ROBO1: variants seen among roughly 807,000 people sequenced by gnomAD.
The protein encoded by ROBO1 is roundabout homolog 1.
ROBO1 carries 149 observed loss-of-function variants against 195.9 expected under a neutral mutation model. The observed-to-expected ratio is 0.76, with a 90% confidence interval of 0.67 to 0.87. The LOEUF is 0.87. Ranked by LOEUF, ROBO1 falls within the 40% of genes least tolerant of loss-of-function variation. ROBO1 has a pLI of 0.00. For synonymous variants in ROBO1, 816 were observed against 733.2 expected (o/e 1.11, Z -1.82); for missense variants, 1,933 against 2,068.3 (o/e 0.93, Z 1.27).
At chr3:78,717,921 G>A in intron 5 of ROBO1, 38 bp from the exon 6 acceptor site, 1 of 1,604,526 alleles carries the variant, frequency 6.2e-7, no homozygotes, top group East Asian at 2.2e-5. Context: ...TATTAAAATT[G>A]CTTCAGCTAT....
At chr3:78,636,233 G>T in intron 22 of ROBO1, 125 bp from the exon 23 acceptor site, 6 of 614,930 alleles carry the variant, frequency 9.8e-6, no homozygotes, top group Admixed American at 3.3e-5. Flanking sequence ...GCTTAAATAA[G>T]ATCAATAAAA....
intron 2 of ROBO1, among the ~76,000 whole-genome samples, chr3:79,168,879 A>G (rs2081117834): frequency 6.6e-6 from 1 of 152,192 alleles, no homozygotes; most frequent in Non-Finnish European, 1.5e-5. Context: ...ATGCTAGAAC[A>G]TTGAAATAGA....
At chr3:79,362,395 T>C (rs915389531) in intron 2 of ROBO1, among the ~76,000 whole-genome samples, 38 of 152,204 alleles carry the variant, frequency 2.5e-4, no homozygotes, top group Admixed American at 1.3e-3. Context: ...TTCAGAACAT[T>C]ATATTTAAGC....
intron 3 of ROBO1, among the ~76,000 whole-genome samples, chr3:79,053,490 A>G (rs2078743521): frequency 6.6e-6 from 1 of 151,862 alleles, no homozygotes; most frequent in African/African-American, 2.4e-5. Context: ...TGGCTCCAGG[A>G]CCAAACTAAA....
intron 2 of ROBO1, among the ~76,000 whole-genome samples, chr3:79,584,610 AGTGTGTGTGTGT>A (rs143360306): frequency 7.6e-6 from 1 of 131,698 alleles, no homozygotes; most frequent in African/African-American, 3.1e-5. Context: ...TAGGTGGGTG[AGTGTGTGTGTGT>A]GTGTGTGTGT....
intron 1 of ROBO1, among the ~76,000 whole-genome samples, chr3:79,716,523 A>C (rs1284215844): frequency 6.6e-6 from 1 of 152,002 alleles, no homozygotes; most frequent in African/African-American, 2.4e-5. Context: ...ATTTAACGAA[A>C]CAATACTATG....
chr3:79,287,440 T>G (rs774643120), intron 2 of ROBO1, among the ~76,000 whole-genome samples: 18 of 152,200 alleles, frequency 1.2e-4, no homozygotes, highest in African/African-American at 4.3e-4. Context: ...TCACTGTATA[T>G]TCTCATGTTG....
At chr3:79,623,399 C>T (rs969634536) in intron 1 of ROBO1, among the ~76,000 whole-genome samples, 8 of 152,194 alleles carry the variant, frequency 5.3e-5, no homozygotes, top group East Asian at 3.9e-4. Context: ...AAAAACTATG[C>T]GGAGCTAAAG....
chr3:79,220,138 T>A (rs2082112459), intron 2 of ROBO1, among the ~76,000 whole-genome samples: 1 of 152,110 alleles, frequency 6.6e-6, no homozygotes, highest in Non-Finnish European at 1.5e-5. Context: ...GAAAATATAA[T>A]ACAAATCTGG....
intron 4 of ROBO1, among the ~76,000 whole-genome samples, chr3:78,802,389 C>T (rs751228010): frequency 2.8e-4 from 42 of 152,108 alleles, no homozygotes; most frequent in Middle Eastern, 3.2e-3. Flanking sequence ...TAAACACAAA[C>T]TAGACATGAA....
At chr3:79,728,942 A>T (rs1454216681) in intron 1 of ROBO1, among the ~76,000 whole-genome samples, 1 of 152,248 alleles carries the variant, frequency 6.6e-6, no homozygotes, top group Non-Finnish European at 1.5e-5. Flanking sequence ...ATTTTAGGAA[A>T]TTTTTTTAAA....
intron 1 of ROBO1, among the ~76,000 whole-genome samples, chr3:79,725,223 CTTTTTTT>C (rs35418345): frequency 9.4e-6 from 1 of 106,514 alleles, no homozygotes; most frequent in Admixed American, 1.2e-4. Context: ...CTCTCTTCTT[CTTTTTTT>C]TTTTTTTTTT....
chr3:78,716,083 T>C (rs913801744), intron 7 of ROBO1, among the ~76,000 whole-genome samples: 3 of 152,188 alleles, frequency 2.0e-5, no homozygotes, highest in Admixed American at 6.5e-5. Context: ...GGAATATTCT[T>C]TTCTTCTTCC....
chr3:78,742,120 A>T (rs1325224910), intron 5 of ROBO1, among the ~76,000 whole-genome samples: 1 of 152,074 alleles, frequency 6.6e-6, no homozygotes, highest in Non-Finnish European at 1.5e-5. Flanking sequence ...CAGCTGGGAG[A>T]GGTGTACTTT....
intron 19 of ROBO1, among the ~76,000 whole-genome samples, chr3:78,649,385 T>C (rs911944440): frequency 1.3e-5 from 2 of 152,052 alleles, no homozygotes; most frequent in Admixed American, 1.3e-4. Flanking sequence ...TAATAAACTC[T>C]CTGGGTCCCT....
chr3:79,347,178 G>A (rs537305607), intron 2 of ROBO1, among the ~76,000 whole-genome samples: 72 of 152,236 alleles, frequency 4.7e-4, no homozygotes, highest in African/African-American at 1.7e-3. Flanking sequence ...TGGAGGGATG[G>A]AGAGTTGTAA....
chr3:78,744,258 TG>T (rs746929636), intron 5 of ROBO1, among the ~76,000 whole-genome samples: 10 of 152,190 alleles, frequency 6.6e-5, no homozygotes, highest in African/African-American at 9.6e-5. Flanking sequence ...CAAATTCTGT[TG>T]GCTATTGCTT....
intron 1 of ROBO1, among the ~76,000 whole-genome samples, chr3:79,670,592 T>C (rs1408854311): frequency 6.6e-6 from 1 of 151,880 alleles, no homozygotes; most frequent in African/African-American, 2.4e-5. Context: ...CAAAGTGATC[T>C]GGTTTCTATT....
chr3:78,599,211 C>T (rs953434855), intron 30 of ROBO1, among the ~76,000 whole-genome samples: 20 of 152,084 alleles, frequency 1.3e-4, no homozygotes, highest in Non-Finnish European at 2.6e-4. Context: ...TATCTAATCC[C>T]CTCAGCCCCA....
Sources: gnomAD v4.1 joint callset for allele counts (sites outside exome capture counted in the v4.1 genomes callset) on GRCh38, gnomAD v4.1.1 for gene constraint, MANE v1.5 for transcripts, NCBI Gene and HGNC (gene_info 2026-07-23, HGNC 2026-07-21) for gene names.